NFKB1: variants seen among roughly 807,000 people sequenced by gnomAD.
NFKB1 encodes nuclear factor kappa B subunit 1.
Under a neutral mutation model 105.1 loss-of-function variants are expected in NFKB1, and 9 were observed. The ratio of observed to expected loss-of-function variants is 0.09; its 90% CI spans 0.05 to 0.15. The LOEUF (loss-of-function observed/expected upper bound fraction) is 0.15, where lower values mean the gene tolerates loss of function less well. Among genes scored for constraint, NFKB1 ranks in the 10% least tolerant of loss-of-function variants. The probability of loss-of-function intolerance (pLI) is 1.00; values close to 1 mark genes in which losing one functional copy is unlikely to be tolerated. For synonymous variants in NFKB1, 440 were observed against 442.2 expected (o/e 1.00, Z 0.06); for missense variants, 830 against 1,203.7 (o/e 0.69, Z 4.59).
intron 1 of NFKB1, among the ~76,000 whole-genome samples, chr4:102,521,435 C>A (rs986706431): frequency 6.6e-6 from 1 of 152,148 alleles, no homozygotes; most frequent in African/African-American, 2.4e-5. Flanking sequence ...TCTGTTGTGG[C>A]TGAATATAAT....
Position 102,539,387 on chromosome 4 carries a change from G to A in NFKB1, c.258+1431G>A, listed in dbSNP as rs74810526. ...CAAACAAAAGACAAAATGTTGTGAC[G>A]TCGTTCTTTACCTTTCAAGTGAAAC... On this transcript the variant is annotated intron_variant, in intron 5 of 23. Coordinates refer to ENST00000226574, the MANE Select transcript of NFKB1 (RefSeq NM_003998.4). Among the ~76,000 whole-genome samples, 314 of 152,074 alleles carry A rather than the reference G, an allele frequency of 2.1e-3. 2 individuals are homozygous for A. Among genetic ancestry groups the A allele is most frequent in the African/African-American group, 7.1e-3 (294 of 41,476 alleles).
intron 23 of NFKB1, 60 bp from the exon 24 acceptor site, chr4:102,616,374 G>C: frequency 6.3e-7 from 1 of 1,585,710 alleles, no homozygotes; most frequent in East Asian, 2.2e-5. Flanking sequence ...CCACAGAATA[G>C]TCCATGAGCT....
rs571739367 is a variant in NFKB1 at position 102,566,989 on chromosome 4, C to A, written c.261C>A (p.Ile87=). Residue 87 remains isoleucine, a splice_region_variant and synonymous_variant, in exon 6 of 24, where the codon ATC becomes ATA. Transcript: ENST00000226574. ...KNKKSYPQVK[I]CNYVGPAKVI... The stretch of plus-strand genomic sequence containing the variant: ...TTTGGAATGTGCTTCTTATATAGAT[C>A]TGCAACTATGTGGGACCAGCAAAGG... 96 of 1,613,796 alleles carry A rather than the reference C, an allele frequency of 5.9e-5. No individual in the cohort carries two copies. Among genetic ancestry groups the A allele is most frequent in the South Asian group, 4.8e-4 (44 of 91,068 alleles).
At chr4:102,566,858 G>A (rs1723915088) in intron 5 of NFKB1, 129 bp from the exon 6 acceptor site, 4 of 848,370 alleles carry the variant, frequency 4.7e-6, no homozygotes, top group Non-Finnish European at 7.2e-6. Context: ...AAACAGGGCT[G>A]TAATCATGTA....
At position 102,612,345 on chromosome 4, in the gene NFKB1, T is replaced by G; in HGVS notation, c.2420-89T>G. Reference sequence around the variant, plus strand: ...GTAGCTTGGTTGGTTCCACTGGGAGTTGGACAGCAAGCCAGGCAGCAATGA... The same window carrying G: ...GTAGCTTGGTTGGTTCCACTGGGAGGTGGACAGCAAGCCAGGCAGCAATGA... On this transcript the variant is annotated intron_variant, in intron 21 of 23. Coordinates refer to ENST00000226574, the MANE Select transcript of NFKB1 (RefSeq NM_003998.4). The G allele has an allele frequency of 7.9e-6, 11 of 1,398,216 alleles. No individual in the cohort carries two copies. The South Asian group carries it at 1.4e-4, about 18-fold the overall frequency. 86.6% of individuals were successfully genotyped at this position (1,398,216 alleles called of 1,614,324 possible).
intron 11 of NFKB1, among the ~76,000 whole-genome samples, chr4:102,592,857 T>TA (rs1726287313): frequency 6.6e-6 from 1 of 152,166 alleles, no homozygotes; most frequent in African/African-American, 2.4e-5. Flanking sequence ...AGTGAACTCC[T>TA]AAAAGGTTTT....
At chr4:102,611,413 A>G (rs1421058522) in intron 20 of NFKB1, among the ~76,000 whole-genome samples, 2 of 152,134 alleles carry the variant, frequency 1.3e-5, no homozygotes, top group East Asian at 3.9e-4. Context: ...ACAGAACACA[A>G]AAAGATGATG....
At chr4:102,544,305 T>C (rs1721962268) in intron 5 of NFKB1, among the ~76,000 whole-genome samples, 1 of 152,210 alleles carries the variant, frequency 6.6e-6, no homozygotes, top group Non-Finnish European at 1.5e-5. Context: ...TTTTAATCAA[T>C]TTTAAATGAA....
chr4:102,521,075 G>T (rs1283513893), intron 1 of NFKB1, among the ~76,000 whole-genome samples: 5 of 152,052 alleles, frequency 3.3e-5, no homozygotes, highest in Non-Finnish European at 7.4e-5. Context: ...ACTTATAAAT[G>T]TGGATAATTA....
At chr4:102,567,243 A>C in intron 6 of NFKB1, 108 bp downstream of exon 6, 1 of 1,167,686 alleles carries the variant, frequency 8.6e-7, no homozygotes, top group East Asian at 2.4e-5. Context: ...TGAGACCCTC[A>C]GATGACCTCA....
Position 102,527,185 on chromosome 4 carries a change from A to G in NFKB1, c.39+1628A>G, listed in dbSNP as rs1168703165. On this transcript the variant is annotated intron_variant, in intron 2 of 23. Coordinates refer to ENST00000226574, the MANE Select transcript of NFKB1 (RefSeq NM_003998.4). ...TCAGGAACCTACTATTTTAATAGGA[A>G]GAACAGAGACATTGTTTTCATATGG... 3.3e-5 allele frequency among the ~76,000 whole-genome samples: 5 copies of G among 152,220 alleles called. No homozygotes were observed. In the East Asian group the frequency reaches 9.6e-4, roughly 29 times the overall value.
chr4:102,570,499 T>A (rs569818137), intron 6 of NFKB1, among the ~76,000 whole-genome samples: 27 of 152,336 alleles, frequency 1.8e-4, no homozygotes, highest in Non-Finnish European at 2.9e-4. Flanking sequence ...TCTTTGCTAT[T>A]GTGGATACTG....
chr4:102,568,168 G>A (rs139431460), intron 6 of NFKB1, among the ~76,000 whole-genome samples: 177 of 152,190 alleles, frequency 1.2e-3, no homozygotes, highest in Non-Finnish European at 2.1e-3. Context: ...TATTATTTTG[G>A]AGGTTGTGCT....
At chr4:102,577,266 C>T (rs1446521457) in intron 7 of NFKB1, among the ~76,000 whole-genome samples, 2 of 152,182 alleles carry the variant, frequency 1.3e-5, no homozygotes. Flanking sequence ...CAACTTTCAG[C>T]CTCATCTCCA....
rs775980509 is a variant in NFKB1 at position 102,610,571 on chromosome 4, G to A, written c.2228-4G>A. 1.1e-5 allele frequency: 17 copies of A among 1,613,454 alleles called. 1 individual carries two copies. The highest frequency in any genetic ancestry group is 7.7e-5 in the South Asian group (7 of 91,042). On this transcript the variant is annotated splice_polypyrimidine_tract_variant and splice_region_variant and intron_variant, in intron 19 of 23. Transcript: ENST00000226574. ...ACCTAATGCTGTGTAATCTAACTTCGCAGGAGCAGATCCCCTGGTGGAGAA... is the reference window on the plus strand; with the variant it reads ...ACCTAATGCTGTGTAATCTAACTTCACAGGAGCAGATCCCCTGGTGGAGAA...
Position 102,515,401 on chromosome 4 carries a change from C to T in NFKB1, c.-7-10111C>T, listed in dbSNP as rs191481703. 2.3e-3 allele frequency among the ~76,000 whole-genome samples: 345 copies of T among 152,194 alleles called. 2 individuals carry two copies. Among genetic ancestry groups the T allele is most frequent in the Middle Eastern group, 3.4e-3 (1 of 294 alleles). On this transcript the variant is annotated intron_variant, in intron 1 of 23. Coordinates refer to ENST00000226574, the MANE Select transcript of NFKB1 (RefSeq NM_003998.4). ...CTGGGATTACAGGCGTGAGCCACCG[C>T]GCCCGGCCCCATGTAATATTATTAC...
intron 8 of NFKB1, among the ~76,000 whole-genome samples, chr4:102,579,723 A>G (rs932806633): frequency 6.6e-6 from 1 of 151,116 alleles, no homozygotes; most frequent in Non-Finnish European, 1.5e-5. Flanking sequence ...AGTAATCTTC[A>G]GCATTTACCA....
chr4:102,540,322 A>T (rs1741919165), intron 5 of NFKB1, among the ~76,000 whole-genome samples: 1 of 152,172 alleles, frequency 6.6e-6, no homozygotes, highest in African/African-American at 2.4e-5. Flanking sequence ...CAGTCTTCAT[A>T]CATCTTTCTC....
At chr4:102,587,492 T>C (rs919776477) in intron 11 of NFKB1, among the ~76,000 whole-genome samples, 5 of 151,958 alleles carry the variant, frequency 3.3e-5, no homozygotes, top group African/African-American at 9.7e-5. Flanking sequence ...TTCCCAGTGG[T>C]ATCTATGCCT....
Sources: allele counts gnomAD v4.1 joint callset (sites outside exome capture counted in the v4.1 genomes callset), GRCh38; gene constraint gnomAD v4.1.1; transcripts MANE v1.5; gene names NCBI Gene and HGNC (gene_info 2026-07-23, HGNC 2026-07-21).